Variants in DNAJC14 observed in about 807,000 individuals in gnomAD.
The protein encoded by DNAJC14 is DnaJ heat shock protein family (Hsp40) member C14.
A neutral mutation model predicts 68.8 loss-of-function variants in DNAJC14; 12 were observed. The observed-to-expected ratio is 0.17, with a 90% CI of 0.11 to 0.28. DNAJC14 has a LOEUF of 0.28. Ranked by LOEUF, DNAJC14 falls within the 10% of genes least tolerant of loss-of-function variation. The pLI is 1.00. For synonymous variants in DNAJC14, 350 were observed against 321.5 expected (o/e 1.09, Z -0.95); for missense variants, 764 against 875.6 (o/e 0.87, Z 1.61).
At position 55,829,522 on chromosome 12, in the gene DNAJC14, G is replaced by T. The variant is rs552663216; in HGVS notation, c.-90C>A. The T allele has an allele frequency of 3.2e-5, 31 of 983,014 alleles. No homozygotes were observed. Among genetic ancestry groups the T allele is most frequent in the Middle Eastern group, 1.1e-3 (2 of 1,902 alleles). The allele number at this position is 983,014 out of a possible 1,614,324, so 60.9% of individuals were successfully genotyped here. ...GGCGGTAACTCCTCCCCCTCGAGCC[G>T]CCCGGCCTGGGGCCAGGGTGAGCTA... is the stretch of plus-strand genomic sequence containing the variant. On this transcript the variant is annotated 5_prime_UTR_variant, in exon 1 of 7. Coordinates refer to ENST00000678005, the MANE Select transcript of DNAJC14 (RefSeq NM_032364.6).
intron 2 of DNAJC14, among the ~76,000 whole-genome samples, chr12:55,826,123 G>A (rs143706531): frequency 6.6e-6 from 1 of 152,138 alleles, no homozygotes; most frequent in African/African-American, 2.4e-5. Flanking sequence ...CTCTGAATAG[G>A]TCTTTTTCCC....
intron 4 of DNAJC14, 126 bp from the exon 5 acceptor site, chr12:55,822,858 T>C (rs951928909): frequency 8.5e-6 from 12 of 1,405,582 alleles, no homozygotes; most frequent in Non-Finnish European, 1.1e-5. Context: ...GTATTTCATA[T>C]CCCTTCAACG....
rs748085515 is a variant in DNAJC14, at chr12:55,828,098, G to A, written c.561C>T (p.Ser187=). The A allele has an allele frequency of 2.5e-6, 4 of 1,601,860 alleles. No homozygotes were observed. In the South Asian group the frequency reaches 3.4e-5, roughly 13 times the overall value. ...LKFPSDFSRV[S]SGKKPPSRRQ... Reference sequence around the variant, plus strand: ...TCCGGGATGGGGGTTTCTTTCCGCTGGACACACGTGAAAAATCACTGGGGA... The same window carrying A: ...TCCGGGATGGGGGTTTCTTTCCGCTAGACACACGTGAAAAATCACTGGGGA... Residue 187 remains serine (S), a synonymous_variant, in exon 2 of 7, where the codon TCC becomes TCT. Transcript: ENST00000678005.
chr12:55,823,704 T>C (rs1334192258), intron 2 of DNAJC14, among the ~76,000 whole-genome samples, 196 bp from the exon 3 acceptor site: 1 of 123,940 alleles, frequency 8.1e-6, no homozygotes, highest in Non-Finnish European at 1.6e-5. Flanking sequence ...TGAATATCTT[T>C]TTTTTTTTTT....
In DNAJC14 at chr12:55,827,778, C is replaced by T; in HGVS notation, c.881G>A (p.Trp294Ter). ...LDLFRVWMGV[W>*]TGRLGGWAQV... is the part of the protein sequence containing the mutation. The stretch of plus-strand genomic sequence containing the variant: ...GGCCCAGCCCCCTAACCGCCCTGTC[C>T]ACACTCCCATCCAAACTCGAAAAAG... Residue 294 changes from tryptophan to a stop codon, truncating the protein, a stop_gained, in exon 2 of 7, where the codon TGG becomes TAG. Transcript: ENST00000678005. LOFTEE classifies it high-confidence loss of function. The T allele has an allele frequency of 6.2e-7, 1 of 1,613,990 alleles. No individual in the cohort carries two copies. The highest frequency in any genetic ancestry group is 8.5e-7 in the Non-Finnish European group (1 of 1,179,914).
rs1205173093 is a variant in DNAJC14 at position 55,827,357 on chromosome 12, C to G, written c.1302G>C (p.Met434Ile). Reference protein sequence around the residue: ...PEEEVARLLTMAGVPEDELNP... With the variant: ...PEEEVARLLTIAGVPEDELNP... ...TTAGCTCATCCTCAGGAACCCCAGCCATGGTCAAGAGTCGAGCCACTTCCT... is the reference window on the plus strand; with the variant it reads ...TTAGCTCATCCTCAGGAACCCCAGCGATGGTCAAGAGTCGAGCCACTTCCT... The change falls in exon 2 of 7, where the codon ATG becomes ATC. Residue 434 changes from methionine (M) to isoleucine (I), a missense_variant. By Grantham distance (10) the Met-to-Ile change is conservative. Around this residue, in one of 4 missense-constraint regions of DNAJC14, gnomAD observed 110 missense variants for 162.7 expected, o/e 0.68. Transcript: ENST00000678005. 1 of 1,613,798 alleles carries G rather than the reference C, an allele frequency of 6.2e-7. No homozygotes were observed. The highest frequency in any genetic ancestry group is 8.5e-7 in the Non-Finnish European group (1 of 1,179,898).
At chr12:55,822,952 C>T in intron 4 of DNAJC14, 118 bp downstream of exon 4, 2 of 1,509,780 alleles carry the variant, frequency 1.3e-6, no homozygotes, top group Non-Finnish European at 1.8e-6. Flanking sequence ...ACTTAAGGGT[C>T]TTTTTACTAA....
At position 55,822,705 on chromosome 12, in the gene DNAJC14, C is replaced by G; in HGVS notation, c.1662G>C (p.Lys554Asn). The change falls in exon 5 of 7, where the codon AAG becomes AAC. Residue 554 changes from lysine to asparagine, a missense_variant. Physicochemically the swap from Lys to Asn is moderately conservative, Grantham distance 94. Around this residue, in one of 4 missense-constraint regions of DNAJC14, gnomAD observed 110 missense variants for 162.7 expected, o/e 0.68. Coordinates refer to ENST00000678005, the MANE Select transcript of DNAJC14 (RefSeq NM_032364.6). ...HRRFEMDREP[K>N]SARYCAECNR... ...TACACTCAGCACAGTATCTGGCACT[C>G]TTAGGTTCCCGGTCCATTTCAAACC... is the stretch of plus-strand genomic sequence containing the variant. 6.2e-7 allele frequency: 1 copy of G among 1,614,164 alleles called. No individual in the cohort carries two copies. Among genetic ancestry groups the G allele is most frequent in the Non-Finnish European group, 8.5e-7 (1 of 1,180,020 alleles).
At chr12:55,829,391 A>G (rs140544681) in intron 1 of DNAJC14, 98 bp downstream of exon 1, 53,301 of 981,588 alleles carry the variant, frequency 0.054, 2,749 homozygotes, top group African/African-American at 0.24. Flanking sequence ...GTTGCAGTGA[A>G]CCGAGATCGT....
At chr12:55,823,272 T>C in intron 3 of DNAJC14, 83 bp from the exon 4 acceptor site, 6 of 1,603,080 alleles carry the variant, frequency 3.7e-6, no homozygotes, top group Non-Finnish European at 5.1e-6. Context: ...TTGAGGCCCC[T>C]GTCTAGCGAG....
At position 55,828,448 on chromosome 12, in the gene DNAJC14, A is replaced by G. The variant is rs779855555; in HGVS notation, c.211T>C (p.Leu71=). ...HTQHPNPAHW[L]DPSHGPPGGP... ...CCTGGGGGGCCATGGCTTGGGTCCA[A>G]CCAATGGGCTGGGTTTGGGTGCTGT... The change falls in exon 2 of 7, where the codon TTG becomes CTG. Residue 71 remains leucine (L), a synonymous_variant. Transcript: ENST00000678005. 6 of 1,613,956 alleles carry G rather than the reference A, an allele frequency of 3.7e-6. No individual in the cohort carries two copies. The South Asian group carries it at 4.4e-5, about 12-fold the overall frequency.
chr12:55,823,594 C>G, intron 2 of DNAJC14, 86 bp from the exon 3 acceptor site: 1 of 1,172,642 alleles, frequency 8.5e-7, no homozygotes, highest in Non-Finnish European at 1.3e-6. Flanking sequence ...GGTTCTCTTT[C>G]ATCACCCTTT....
intron 2 of DNAJC14, among the ~76,000 whole-genome samples, chr12:55,826,973 A>C (rs1880813020): frequency 6.6e-6 from 1 of 151,986 alleles, no homozygotes. Flanking sequence ...GTGAATCATG[A>C]AGTCAGGAGT....
intron 5 of DNAJC14, 24 bp downstream of exon 5, chr12:55,822,548 G>A (rs1481275740): frequency 2.5e-6 from 4 of 1,614,056 alleles, no homozygotes; most frequent in South Asian, 1.1e-5. Context: ...GTATGAGCCT[G>A]TATTTCTAGA....
At position 55,825,992 on chromosome 12, in the gene DNAJC14, C is replaced by T. The variant is rs181550561; in HGVS notation, c.1407+1260G>A. 1.5e-4 allele frequency among the ~76,000 whole-genome samples: 23 copies of T among 152,252 alleles called. No individual in the cohort carries two copies. The East Asian group carries it at 3.3e-3, about 22-fold the overall frequency. On this transcript the variant is annotated intron_variant, in intron 2 of 6. Transcript: ENST00000678005. Reference sequence around the variant, plus strand: ...TACCTGGTGCTAAAATCCTTACATGCACTCCCTGACCCTCCCATACTAGGT... The same window carrying T: ...TACCTGGTGCTAAAATCCTTACATGTACTCCCTGACCCTCCCATACTAGGT...
In DNAJC14 at chr12:55,828,583, C is replaced by G; in HGVS notation, c.76G>C (p.Gly26Arg). ...HSGGASLRTL[G>R]PSVDPEIPSF... Reference sequence around the variant, plus strand: ...GGTATTTCAGGGTCCACGGAGGGTCCTAAAGTCCTGAGGGAGGCACCACCA... The same window carrying G: ...GGTATTTCAGGGTCCACGGAGGGTCGTAAAGTCCTGAGGGAGGCACCACCA... The change falls in exon 2 of 7, where the codon GGA becomes CGA. Residue 26 changes from glycine to arginine, a missense_variant. Coordinates refer to ENST00000678005, the MANE Select transcript of DNAJC14 (RefSeq NM_032364.6). The G allele has an allele frequency of 6.2e-7, 1 of 1,614,058 alleles. No individual in the cohort carries two copies. The highest frequency in any genetic ancestry group is 1.1e-5 in the South Asian group (1 of 91,072).
Position 55,827,445 on chromosome 12 carries a change from T to A in DNAJC14, c.1214A>T (p.Lys405Met). ...ATTCCCCTGCCTATTAATATTCTGCTTGACCCAAGGCAACTCCAGCCAGCC... is the reference window on the plus strand; with the variant it reads ...ATTCCCCTGCCTATTAATATTCTGCATGACCCAAGGCAACTCCAGCCAGCC... ...QWGWLELPWVKQNINRQGNAP... is the reference protein window; with the variant it reads ...QWGWLELPWVMQNINRQGNAP... Residue 405 changes from lysine (K) to methionine (M), a missense_variant, in exon 2 of 7, where the codon AAG becomes ATG. Around this residue, in one of 4 missense-constraint regions of DNAJC14, gnomAD observed 514 missense variants for 521.7 expected, o/e 0.99. Transcript: ENST00000678005. 5 of 1,607,652 alleles carry A rather than the reference T, an allele frequency of 3.1e-6. No individual in the cohort carries two copies. Among genetic ancestry groups the A allele is most frequent in the Non-Finnish European group, 4.3e-6 (5 of 1,175,896 alleles).
intron 2 of DNAJC14, among the ~76,000 whole-genome samples, chr12:55,826,489 T>C (rs1880797985): frequency 6.6e-6 from 1 of 151,680 alleles, no homozygotes; most frequent in South Asian, 2.1e-4. Context: ...CCAAAAAGTC[T>C]TTATGACTCT....
At position 55,828,219 on chromosome 12, in the gene DNAJC14, T is replaced by G; in HGVS notation, c.440A>C (p.Asn147Thr). The G allele has an allele frequency of 6.2e-7, 1 of 1,610,574 alleles. No individual in the cohort carries two copies. Among genetic ancestry groups the G allele is most frequent in the Non-Finnish European group, 8.5e-7 (1 of 1,178,502 alleles). Reference sequence around the variant, plus strand: ...GTGGCAAAAGTTGCTAGAAGAACCATTTCCTCCCTCAGAGTAAGGCCCTTC... The same window carrying G: ...GTGGCAAAAGTTGCTAGAAGAACCAGTTCCTCCCTCAGAGTAAGGCCCTTC... ...IPEGPYSEGG[N>T]GSSSNFCHHC... Residue 147 changes from asparagine to threonine, a missense_variant, in exon 2 of 7, where the codon AAT (asparagine) becomes ACT (threonine). Asn to Thr is a moderately conservative substitution (Grantham distance 65). This residue lies in a region of DNAJC14 where 514 missense variants were observed against 521.7 expected (regional missense o/e 0.99). Coordinates refer to ENST00000678005, the MANE Select transcript of DNAJC14 (RefSeq NM_032364.6).
Sources: allele counts gnomAD v4.1 joint callset (sites outside exome capture counted in the v4.1 genomes callset), GRCh38; gene constraint gnomAD v4.1.1; regional missense constraint gnomAD v4.1.1; transcripts MANE v1.5; gene names NCBI Gene and HGNC (gene_info 2026-07-23, HGNC 2026-07-21).